The following TMEM260 variants were observed in gnomAD, a reference collection of about 807,000 sequenced individuals.
TMEM260 encodes transmembrane protein 260, also known as protein O-mannosyl-transferase TMEM260.
TMEM260 carries 82 observed loss-of-function variants against 88.9 expected under a neutral mutation model. That is an observed-to-expected ratio of 0.92 (90% CI 0.77 to 1.11). The LOEUF (loss-of-function observed/expected upper bound fraction) is 1.11, where lower values mean the gene tolerates loss of function less well. Among genes scored for constraint, TMEM260 ranks in the 50% least tolerant of loss-of-function variants. The pLI, the probability that TMEM260 is intolerant of heterozygous loss-of-function variation, is 0.00. For missense variants in TMEM260, 902 were observed against 853.4 expected (o/e 1.06, Z -0.71); for synonymous variants, 314 against 309.3 (o/e 1.02, Z -0.16).
intron 15 of TMEM260, among the ~76,000 whole-genome samples, chr14:56,646,894 A>G (rs1053234884): frequency 1.4e-4 from 22 of 151,958 alleles, no homozygotes; most frequent in African/African-American, 5.1e-4. Context: ...TAGAGTTTCA[A>G]CCCTTCTGCC....
intron 10 of TMEM260, among the ~76,000 whole-genome samples, chr14:56,619,854 G>A (rs573093393): frequency 5.3e-5 from 8 of 152,134 alleles, no homozygotes; most frequent in African/African-American, 1.2e-4. Context: ...TTATTACAGC[G>A]CTATTCACAA....
At chr14:56,637,450 T>C (rs905508173) in intron 15 of TMEM260, among the ~76,000 whole-genome samples, 7 of 152,214 alleles carry the variant, frequency 4.6e-5, no homozygotes, top group Non-Finnish European at 1.0e-4. Context: ...AAATCGGTCC[T>C]TTCTGATGGG....
downstream of TMEM260, among the ~76,000 whole-genome samples, chr14:56,653,746 A>AAAAAAAAACAAC (rs1890251502): frequency 1.2e-5 from 1 of 86,076 alleles, no homozygotes; most frequent in Admixed American, 1.8e-4. Flanking sequence ...CAAAACAAAA[A>AAAAAAAAACAAC]AAAAAAAAAC....
intron 1 of TMEM260, among the ~76,000 whole-genome samples, chr14:56,582,234 C>T (rs550314601): frequency 4.2e-4 from 64 of 152,256 alleles, no homozygotes; most frequent in Admixed American, 1.2e-3. Flanking sequence ...TATTCTTCTT[C>T]CTGATAAGTC....
intron 5 of TMEM260, 98 bp from the exon 6 acceptor site, chr14:56,609,008 G>T (rs1448387886): frequency 7.9e-7 from 1 of 1,259,556 alleles, no homozygotes; most frequent in African/African-American, 1.5e-5. Context: ...TCAGCTCTGA[G>T]TAAACATATT....
intron 15 of TMEM260, among the ~76,000 whole-genome samples, chr14:56,638,818 A>C (rs182029749): frequency 4.0e-4 from 61 of 152,318 alleles, no homozygotes; most frequent in Non-Finnish European, 7.1e-4. Flanking sequence ...AGGCAATGCT[A>C]TAGGAATAAA....
At chr14:56,600,774 T>C (rs996059203) in intron 3 of TMEM260, among the ~76,000 whole-genome samples, 4 of 152,202 alleles carry the variant, frequency 2.6e-5, no homozygotes, top group Non-Finnish European at 5.9e-5. Context: ...TGCAGTACAT[T>C]AGGACACCAA....
At chr14:56,635,513 C>A (rs1888978675) in intron 14 of TMEM260, among the ~76,000 whole-genome samples, 1 of 151,528 alleles carries the variant, frequency 6.6e-6, no homozygotes, top group Non-Finnish European at 1.5e-5. Flanking sequence ...CCTATACTTT[C>A]CTGTAGTTCA....
At chr14:56,654,252 CAAGAAAAAAGTCACTTTGAAATCCAGGAA>C (rs1356439597), downstream of TMEM260, among the ~76,000 whole-genome samples, 6 of 151,982 alleles carry the variant, frequency 3.9e-5, no homozygotes, top group African/African-American at 1.5e-4. Context: ...TTTAGTGTGA[CAAGAAAAAAGTCACTTTGAAATCCAGGAA>C]CTTATTAGCA....
At chr14:56,613,648 C>T (rs879688366) in intron 7 of TMEM260, 7 of 152,184 alleles carry the variant, frequency 4.6e-5, no homozygotes, top group East Asian at 1.9e-4. Context: ...GTTACTTTCA[C>T]GTAACCTTTT....
downstream of TMEM260, chr14:56,650,191 C>T (rs369088427): frequency 4.4e-3 from 1,826 of 415,056 alleles, 62 homozygotes; most frequent in South Asian, 0.03. Flanking sequence ...AGCAGTGTCC[C>T]GGGAGTGCCA....
At chr14:56,653,735 C>CCAAAACAAAAAAAAA (rs1485757477), downstream of TMEM260, among the ~76,000 whole-genome samples, 702 of 11,000 alleles carry the variant, frequency 0.064, 19 homozygotes, top group African/African-American at 0.24. Flanking sequence ...ACTCTTGTCT[C>CCAAAACAAAAAAAAA]CAAAACAAAA....
At chr14:56,633,235 A>T (rs193040899) in intron 13 of TMEM260, 64 bp downstream of exon 13, 1 of 1,380,820 alleles carries the variant, frequency 7.2e-7, no homozygotes, top group Non-Finnish European at 9.8e-7. Context: ...CAAAAAAACT[A>T]CTACATTTTG....
intron 5 of TMEM260, among the ~76,000 whole-genome samples, chr14:56,606,689 C>T (rs912211690): frequency 2.0e-5 from 3 of 151,988 alleles, no homozygotes; most frequent in Non-Finnish European, 4.4e-5. Context: ...CTCAGGAGTT[C>T]GAGACCAGCC....
At position 56,647,631 on chromosome 14, in the gene TMEM260, C is replaced by A. The variant is rs1890049291; in HGVS notation, c.*134C>A. 1 of 1,016,586 alleles carries A rather than the reference C, an allele frequency of 9.8e-7. No homozygotes were observed. The highest frequency in any genetic ancestry group is 1.4e-6 in the Non-Finnish European group (1 of 719,778). The allele number at this position is 1,016,586 out of a possible 1,614,324, so 63.0% of individuals were successfully genotyped here. Reference sequence around the variant, plus strand: ...TCTCCCAGATATAAGTATCATGGTCCAGCAGTACTGTTTAATGGGGTATTC... The same window carrying A: ...TCTCCCAGATATAAGTATCATGGTCAAGCAGTACTGTTTAATGGGGTATTC... On this transcript the variant is annotated 3_prime_UTR_variant, in exon 16 of 16. Coordinates refer to ENST00000261556, the MANE Select transcript of TMEM260 (RefSeq NM_017799.4).
intron 3 of TMEM260, among the ~76,000 whole-genome samples, chr14:56,586,883 T>G (rs1885541385): frequency 6.6e-6 from 1 of 151,982 alleles, no homozygotes. Context: ...GATCTGTATG[T>G]GAAAAAACTT....
rs1055146231 is a variant in TMEM260, at chr14:56,647,119, G to C, written c.1870-124G>C. ...TCTCTGCATGGCTTAGCAATGATTA[G>C]ATTTTTACTGGAGGCTGCTTGAATT... On this transcript the variant is annotated intron_variant, in intron 15 of 15. Transcript: ENST00000261556. 2.3e-5 allele frequency: 25 copies of C among 1,090,426 alleles called. No individual in the cohort carries two copies. In the East Asian group the frequency reaches 6.5e-4, roughly 28 times the overall value. 67.5% of individuals were successfully genotyped at this position (1,090,426 alleles called of 1,614,324 possible).
At position 56,585,851 on chromosome 14, in the gene TMEM260, A is replaced by G; in HGVS notation, c.283A>G (p.Asn95Asp). The change falls in exon 3 of 16, where the codon AAT becomes GAT. Residue 95 changes from asparagine to aspartate, a missense_variant. Physicochemically the swap from Asn to Asp is conservative, Grantham distance 23. Transcript: ENST00000261556. ...TTTTGGTTCAATTGCCTACCGCGTC[A>G]ATCTTCTCTGTGGCTTATTTGGAGC... ...FPFGSIAYRV[N>D]LLCGLFGAVA... 1.2e-6 allele frequency: 2 copies of G among 1,613,296 alleles called. No individual in the cohort carries two copies. Among genetic ancestry groups the G allele is most frequent in the Non-Finnish European group, 1.7e-6 (2 of 1,179,652 alleles).
chr14:56,661,434 A>T, the TMEM260 span, among the ~76,000 whole-genome samples: 1 of 151,694 alleles, frequency 6.6e-6, no homozygotes, highest in African/African-American at 2.4e-5. Flanking sequence ...ATTTTGTACC[A>T]TGAGCAAGTG....
Sources: gnomAD v4.1 joint callset for allele counts (sites outside exome capture counted in the v4.1 genomes callset) on GRCh38, gnomAD v4.1.1 for gene constraint, MANE v1.5 for transcripts, NCBI Gene and HGNC (gene_info 2026-07-23, HGNC 2026-07-21) for gene names.